ABL1: variants seen among roughly 807,000 people sequenced by gnomAD.
ABL1 encodes the protein tyrosine-protein kinase ABL1.
A neutral mutation model predicts 94.7 loss-of-function variants in ABL1; 11 were observed. That is an observed-to-expected ratio of 0.12 (90% CI 0.07 to 0.19). The LOEUF (loss-of-function observed/expected upper bound fraction) is 0.19. Among genes scored for constraint, ABL1 ranks in the 10% least tolerant of loss-of-function variants. ABL1 has a pLI of 1.00. For synonymous variants in ABL1, 656 were observed against 622.4 expected (o/e 1.05, Z -0.80); for missense variants, 1,082 against 1,489.4 (o/e 0.73, Z 4.50).
intron 1 of ABL1, among the ~76,000 whole-genome samples, chr9:130,850,665 C>T (rs942858868): frequency 1.3e-5 from 2 of 152,154 alleles, no homozygotes; most frequent in African/African-American, 2.4e-5. Flanking sequence ...CACCACCACG[C>T]CCAACTAATT....
At chr9:130,879,289 AC>A (rs1420540607) in intron 8 of ABL1, among the ~76,000 whole-genome samples, 4 of 152,132 alleles carry the variant, frequency 2.6e-5, no homozygotes, top group Non-Finnish European at 5.9e-5. Flanking sequence ...GCCATTTCTT[AC>A]ACTGTTTTCC....
At chr9:130,830,744 A>C (rs558770358), upstream of ABL1, among the ~76,000 whole-genome samples, 1 of 152,204 alleles carries the variant, frequency 6.6e-6, no homozygotes, top group African/African-American at 2.4e-5. Flanking sequence ...CTCTCCCTAC[A>C]TGATTCCTAA....
intron 8 of ABL1, 80 bp downstream of exon 8, chr9:130,878,647 G>T: frequency 4.6e-6 from 7 of 1,534,724 alleles, no homozygotes; most frequent in Non-Finnish European, 6.2e-6. Flanking sequence ...TGTACACAAA[G>T]TTGAAAGTTT....
In ABL1 at chr9:130,874,822, G is replaced by A. The variant is rs759669245; in HGVS notation, c.1086-46G>A. On this transcript the variant is annotated intron_variant, in intron 6 of 10. Coordinates refer to ENST00000318560, the MANE Select transcript of ABL1 (RefSeq NM_005157.6). ...TCAGCAGTGGTGGATTTGTGAAGTG[G>A]AAGGTTGGCCAGGAGCTCTCATGGG... is the stretch of plus-strand genomic sequence containing the variant. 7.5e-6 allele frequency: 12 copies of A among 1,594,772 alleles called. No individual in the cohort carries two copies. In the East Asian group the frequency reaches 1.3e-4, roughly 18 times the overall value.
rs541081794 is a variant in ABL1, at chr9:130,858,015, TG to T, written c.549+2925del. Reference sequence around the variant, plus strand: ...TCAGAACACCAGGGTGCACCGCCCATGGGGGGTGATTTTCTGGAGCAGACAG... The same window carrying T: ...TCAGAACACCAGGGTGCACCGCCCATGGGGGTGATTTTCTGGAGCAGACAG... On this transcript the variant is annotated intron_variant, in intron 3 of 10. Coordinates refer to ENST00000318560, the MANE Select transcript of ABL1 (RefSeq NM_005157.6). Among the ~76,000 whole-genome samples the T allele has an allele frequency of 3.9e-3, 595 of 152,024 alleles. 5 individuals carry two copies. Among genetic ancestry groups the T allele is most frequent in the Non-Finnish European group, 4.2e-3 (282 of 67,942 alleles).
At chr9:130,837,321 A>G (rs543538650) in intron 1 of ABL1, among the ~76,000 whole-genome samples, 2 of 152,326 alleles carry the variant, frequency 1.3e-5, no homozygotes, top group South Asian at 4.1e-4. Flanking sequence ...AGGCATCATC[A>G]TCTCCACTTT....
At chr9:130,881,861 C>T (rs1323358958) in intron 10 of ABL1, among the ~76,000 whole-genome samples, 1 of 131,688 alleles carries the variant, frequency 7.6e-6, no homozygotes, top group African/African-American at 3.4e-5. Flanking sequence ...TGAGTTTTAT[C>T]ACGTACTCTC....
chr9:130,722,930 C>A (rs1242519131), intron 1 of ABL1, among the ~76,000 whole-genome samples: 1 of 152,144 alleles, frequency 6.6e-6, no homozygotes, highest in Non-Finnish European at 1.5e-5. Context: ...CAGAACCGTG[C>A]TTGTGCTTCA....
chr9:130,770,898 CACTT>C (rs1045520547), intron 1 of ABL1, among the ~76,000 whole-genome samples: 11 of 152,176 alleles, frequency 7.2e-5, no homozygotes, highest in Admixed American at 5.2e-4. Context: ...CTCTGGGTCT[CACTT>C]ACTAACATGA....
chr9:130,861,939 C>T (rs1182026068), intron 3 of ABL1, among the ~76,000 whole-genome samples: 4 of 152,264 alleles, frequency 2.6e-5, no homozygotes, highest in African/African-American at 9.6e-5. Flanking sequence ...CCTTCCTCTC[C>T]AGCTCTGTTG....
At chr9:130,715,233 GGGTC>G (rs1346875396) in intron 1 of ABL1, among the ~76,000 whole-genome samples, 17 of 152,168 alleles carry the variant, frequency 1.1e-4, no homozygotes, top group Admixed American at 7.2e-4. Context: ...TTAAAGCTAA[GGGTC>G]GGCTTACACT....
intron 1 of ABL1, among the ~76,000 whole-genome samples, chr9:130,808,247 C>CTTCTT (rs1225434564): frequency 1.7e-3 from 159 of 95,060 alleles, no homozygotes; most frequent in African/African-American, 9.0e-3. Context: ...TCTTCTTCTT[C>CTTCTT]TTTTTTTTTT....
intron 1 of ABL1, among the ~76,000 whole-genome samples, chr9:130,844,202 A>G (rs558410765): frequency 5.3e-5 from 8 of 152,258 alleles, no homozygotes; most frequent in African/African-American, 1.7e-4. Context: ...TTTGAGAAAG[A>G]TGGCCCTGAT....
intron 1 of ABL1, among the ~76,000 whole-genome samples, chr9:130,791,737 C>T (rs1048004081): frequency 6.6e-6 from 1 of 152,180 alleles, no homozygotes; most frequent in Non-Finnish European, 1.5e-5. Context: ...TTGCCACAGA[C>T]TAATGGCTGC....
chr9:130,728,944 A>G (rs1439539861), intron 1 of ABL1, among the ~76,000 whole-genome samples: 1 of 152,012 alleles, frequency 6.6e-6, no homozygotes, highest in African/African-American at 2.4e-5. Context: ...TATTGTAGGG[A>G]TTCTCAATCT....
chr9:130,780,033 C>G (rs935050720), intron 1 of ABL1, among the ~76,000 whole-genome samples: 5 of 152,170 alleles, frequency 3.3e-5, no homozygotes, highest in African/African-American at 1.2e-4. Flanking sequence ...CGCCTGTAAT[C>G]CCAGCACTTT....
chr9:130,775,208 A>G (rs986762147), intron 1 of ABL1, among the ~76,000 whole-genome samples: 2 of 152,218 alleles, frequency 1.3e-5, no homozygotes, highest in Admixed American at 6.5e-5. Flanking sequence ...TCCCAAAGAT[A>G]AAGCTTCTCC....
intron 1 of ABL1, among the ~76,000 whole-genome samples, chr9:130,769,434 C>T (rs897306172): frequency 5.5e-5 from 8 of 145,390 alleles, no homozygotes; most frequent in Non-Finnish European, 1.2e-4. Context: ...CGGGTTCAAG[C>T]GATTCTCCTG....
At chr9:130,844,449 A>C (rs1382198079) in intron 1 of ABL1, among the ~76,000 whole-genome samples, 1 of 152,030 alleles carries the variant, frequency 6.6e-6, no homozygotes, top group Admixed American at 6.6e-5. Flanking sequence ...CATTTCCAGT[A>C]ATTGGAGACT....
Sources: allele counts gnomAD v4.1 joint callset (sites outside exome capture counted in the v4.1 genomes callset), GRCh38; gene constraint gnomAD v4.1.1; transcripts MANE v1.5; gene names NCBI Gene and HGNC (gene_info 2026-07-23, HGNC 2026-07-21).